The following DACH1 variants were observed in gnomAD, a reference collection of about 807,000 sequenced individuals.
The protein encoded by DACH1 is dachshund homolog 1.
DACH1 carries 12 observed loss-of-function variants against 54.2 expected under a neutral mutation model. The ratio of observed to expected loss-of-function variants is 0.22; its 90% confidence interval spans 0.14 to 0.36. DACH1 has a LOEUF of 0.36. DACH1 is among the 10% of genes least tolerant of loss of function. The pLI is 1.00. For synonymous variants in DACH1, 386 were observed against 366.2 expected (o/e 1.05, Z -0.62); for missense variants, 805 against 929.8 (o/e 0.87, Z 1.75).
chr13:71,491,032 A>C (rs1878937388), intron 6 of DACH1, among the ~76,000 whole-genome samples: 1 of 152,186 alleles, frequency 6.6e-6, no homozygotes, highest in Non-Finnish European at 1.5e-5. Flanking sequence ...GTACACATTT[A>C]CACACATTTA....
chr13:71,468,603 C>T lies in DACH1; in HGVS notation c.2083+6538G>A, dbSNP rs7995161. On this transcript the variant is annotated intron_variant, in intron 10 of 10. Coordinates refer to ENST00000613252, the MANE Select transcript of DACH1 (RefSeq NM_080759.6). ...AGTATAAGTAGGATACAATTTAGTG[C>T]TGTTAAAGTATGAAAGTCTTGGGAT... Among the ~76,000 whole-genome samples, 1,374 of 152,262 alleles carry T rather than the reference C, an allele frequency of 9.0e-3. 18 individuals are homozygous for T. The highest frequency in any genetic ancestry group is 0.03 in the African/African-American group (1,263 of 41,570).
At chr13:71,638,681 G>A (rs1162476851) in intron 2 of DACH1, among the ~76,000 whole-genome samples, 2 of 152,108 alleles carry the variant, frequency 1.3e-5, no homozygotes, top group Non-Finnish European at 2.9e-5. Flanking sequence ...TTCAACCAGA[G>A]CAATATAACC....
chr13:71,677,944 T>C (rs1880669779), intron 2 of DACH1, among the ~76,000 whole-genome samples: 2 of 152,158 alleles, frequency 1.3e-5, no homozygotes, highest in South Asian at 4.1e-4. Context: ...GGTCTAGATC[T>C]CTTGACCTCA....
intron 1 of DACH1, among the ~76,000 whole-genome samples, chr13:71,793,554 GA>G (rs1886918524): frequency 6.6e-6 from 1 of 151,890 alleles, no homozygotes; most frequent in African/African-American, 2.4e-5. Context: ...TTTCTTTTTG[GA>G]AACAGGGTTT....
chr13:71,826,748 G>A (rs903011096), intron 1 of DACH1, among the ~76,000 whole-genome samples: 49 of 151,964 alleles, frequency 3.2e-4, no homozygotes, highest in African/African-American at 8.0e-4. Flanking sequence ...TGTATATTCC[G>A]AAGTAGATCC....
At chr13:71,669,152 T>C (rs1288354133) in intron 2 of DACH1, among the ~76,000 whole-genome samples, 2 of 152,236 alleles carry the variant, frequency 1.3e-5, no homozygotes, top group East Asian at 3.9e-4. Flanking sequence ...TGTTTTGTGA[T>C]CACATTAGCT....
intron 6 of DACH1, among the ~76,000 whole-genome samples, chr13:71,530,791 A>G (rs1882365039): frequency 6.6e-6 from 1 of 152,228 alleles, no homozygotes; most frequent in Non-Finnish European, 1.5e-5. Flanking sequence ...TATTTAATAA[A>G]TGCATATTGA....
In DACH1 at chr13:71,594,794, T is replaced by C. The variant is rs375698830; in HGVS notation, c.1127-21782A>G. 2.0e-5 allele frequency among the ~76,000 whole-genome samples: 3 copies of C among 152,260 alleles called. 1 individual carries two copies. Among genetic ancestry groups the C allele is most frequent in the African/African-American group, 7.2e-5 (3 of 41,580 alleles). On this transcript the variant is annotated intron_variant, in intron 3 of 10. Coordinates refer to ENST00000613252, the MANE Select transcript of DACH1 (RefSeq NM_080759.6). ...AGTATTATTTTTTCATATGTTTCTGTGCCTCAAAACATATGTCTCTTAATT... is the reference window on the plus strand; with the variant it reads ...AGTATTATTTTTTCATATGTTTCTGCGCCTCAAAACATATGTCTCTTAATT...
chr13:71,781,160 C>T (rs1886355697), intron 1 of DACH1, among the ~76,000 whole-genome samples: 1 of 151,634 alleles, frequency 6.6e-6, no homozygotes, highest in South Asian at 2.1e-4. Context: ...TTCACTGTGC[C>T]TTCCCTTTGG....
intron 2 of DACH1, among the ~76,000 whole-genome samples, chr13:71,652,387 T>C (rs1316679258): frequency 6.6e-6 from 1 of 152,090 alleles, no homozygotes. Flanking sequence ...GAACTCAAGA[T>C]TCAAACACCT....
chr13:71,866,995 C>A lies in DACH1; in HGVS notation c.-226G>T. ...ACGAGAGGCGCTCTGGAGAGGAACG[C>A]ACAAAAGTGTCCCGCAAGTCGAAAT... On this transcript the variant is annotated 5_prime_UTR_variant, in exon 1 of 11. Coordinates refer to ENST00000613252, the MANE Select transcript of DACH1 (RefSeq NM_080759.6). The A allele has an allele frequency of 4.0e-6, 1 of 250,434 alleles. No individual in the cohort carries two copies. Among genetic ancestry groups the A allele is most frequent in the Non-Finnish European group, 7.1e-6 (1 of 141,038 alleles). The allele number at this position is 250,434 out of a possible 1,614,324, so 15.5% of individuals were successfully genotyped here.
At position 71,864,172 on chromosome 13, in the gene DACH1, C is replaced by CACAT. The variant is rs1566550114; in HGVS notation, c.848+1749_848+1750insATGT. Among the ~76,000 whole-genome samples, 258 of 123,874 alleles carry CACAT rather than the reference C, an allele frequency of 2.1e-3. 7 individuals are homozygous for CACAT. Among genetic ancestry groups the CACAT allele is most frequent in the Admixed American group, 0.019 (219 of 11,492 alleles). 81.3% of individuals were successfully genotyped at this position (123,874 alleles called of 152,430 possible). A position where few individuals can be genotyped will look rare whatever the true frequency, so the allele number is the denominator to read the frequency against. ...ACCTGTCCATACTTTTGAGCGCGCG[C>CACAT]GCGCACATACACACACACACACACA... On this transcript the variant is annotated intron_variant, in intron 1 of 10. Transcript: ENST00000613252.
At chr13:71,518,723 G>T (rs987255579) in intron 6 of DACH1, among the ~76,000 whole-genome samples, 1 of 151,664 alleles carries the variant, frequency 6.6e-6, no homozygotes, top group Admixed American at 6.6e-5. Context: ...GAGGCTGACA[G>T]GGGTGACTGA....
intron 6 of DACH1, among the ~76,000 whole-genome samples, chr13:71,502,337 G>A (rs1415443262): frequency 1.3e-5 from 2 of 152,084 alleles, no homozygotes; most frequent in Admixed American, 6.6e-5. Flanking sequence ...CTTCCCAGAT[G>A]AGACTAGAAA....
chr13:71,594,030 A>G (rs973757603), intron 3 of DACH1, among the ~76,000 whole-genome samples: 2 of 151,432 alleles, frequency 1.3e-5, no homozygotes, highest in African/African-American at 4.8e-5. Context: ...AGATATTAAC[A>G]TAATATAGAA....
At chr13:71,596,561 T>C (rs376788405) in intron 3 of DACH1, among the ~76,000 whole-genome samples, 13 of 152,310 alleles carry the variant, frequency 8.5e-5, no homozygotes, top group African/African-American at 2.9e-4. Context: ...AGATGGATAA[T>C]GTAAGGAAGA....
intron 1 of DACH1, among the ~76,000 whole-genome samples, chr13:71,825,391 A>G (rs1375441142): frequency 2.0e-5 from 3 of 152,108 alleles, no homozygotes; most frequent in Non-Finnish European, 4.4e-5. Context: ...ACAGGGCTAT[A>G]TATTACCAAG....
At chr13:71,837,436 G>T (rs1888837347) in intron 1 of DACH1, among the ~76,000 whole-genome samples, 1 of 151,944 alleles carries the variant, frequency 6.6e-6, no homozygotes, top group Non-Finnish European at 1.5e-5. Flanking sequence ...CTGAAGTAGT[G>T]AGAGTGTAAC....
At chr13:71,533,756 T>C (rs959723447) in intron 6 of DACH1, among the ~76,000 whole-genome samples, 2 of 149,516 alleles carry the variant, frequency 1.3e-5, no homozygotes, top group Non-Finnish European at 3.0e-5. Context: ...TCTGAGTGTG[T>C]GTCACACACA....
Sources: gnomAD v4.1 joint callset for allele counts (sites outside exome capture counted in the v4.1 genomes callset) on GRCh38, gnomAD v4.1.1 for gene constraint, MANE v1.5 for transcripts, NCBI Gene and HGNC (gene_info 2026-07-23, HGNC 2026-07-21) for gene names.